LRRN3: variants seen among roughly 807,000 people sequenced by gnomAD.
The protein encoded by LRRN3 is leucine rich repeat neuronal 3.
LRRN3 carries 15 observed loss-of-function variants against 40.1 expected under a neutral mutation model. That is an observed-to-expected ratio of 0.37 (90% CI 0.25 to 0.58). LRRN3 has a LOEUF of 0.58. LRRN3 is among the 20% of genes least tolerant of loss of function. LRRN3 has a pLI of 0.72. For synonymous variants in LRRN3, 308 were observed against 297.2 expected (o/e 1.04, Z -0.37); for missense variants, 746 against 837.7 (o/e 0.89, Z 1.35).
Position 111,124,243 on chromosome 7 carries a change from G to A in LRRN3, c.1471G>A (p.Gly491Arg), listed in dbSNP as rs1251972677. 1.9e-6 allele frequency: 3 copies of A among 1,613,882 alleles called. No individual in the cohort carries two copies. Among genetic ancestry groups the A allele is most frequent in the African/African-American group, 1.3e-5 (1 of 74,894 alleles). Residue 491 changes from glycine (G) to arginine (R), a missense_variant, in exon 3 of 3, where the codon GGG (glycine) becomes AGG (arginine). Coordinates refer to ENST00000308478, the MANE Select transcript of LRRN3 (RefSeq NM_001099658.2). ...LDINGVTPKE[G>R]GLYTCIATNL... ...TATAAATGGCGTAACTCCCAAAGAA[G>A]GGGGTTTATATACTTGTATAGCAAC...
chr7:111,095,615 G>A (rs910518407), intron 1 of LRRN3, among the ~76,000 whole-genome samples: 2 of 151,908 alleles, frequency 1.3e-5, no homozygotes, highest in Admixed American at 1.3e-4. Flanking sequence ...AAAAATTAGA[G>A]TTTTGCCCTG....
At chr7:111,107,329 A>G (rs1798662451) in intron 2 of LRRN3, among the ~76,000 whole-genome samples, 1 of 152,074 alleles carries the variant, frequency 6.6e-6, no homozygotes. Context: ...CGCCAGCCCT[A>G]CAGCAGGTAG....
intron 1 of LRRN3, among the ~76,000 whole-genome samples, chr7:111,094,094 C>T (rs1797149153): frequency 6.6e-6 from 1 of 152,048 alleles, no homozygotes; most frequent in Non-Finnish European, 1.5e-5. Context: ...TTTGTAACAT[C>T]TTTTGCTTTC....
rs1046765686 is a variant in LRRN3 at position 111,091,450 on chromosome 7, G to A, written c.-495G>A. 1.3e-5 allele frequency: 2 copies of A among 152,164 alleles called. No homozygotes were observed. Among genetic ancestry groups the A allele is most frequent in the African/African-American group, 4.8e-5 (2 of 41,428 alleles). 9.4% of individuals were successfully genotyped at this position (152,164 alleles called of 1,614,324 possible). The stretch of plus-strand genomic sequence containing the variant: ...TGATTATCTCAACCAAGGAACTGAG[G>A]AATCCAGCACGCAAGGACATCGGAG... On this transcript the variant is annotated 5_prime_UTR_variant, in exon 1 of 3. Transcript: ENST00000308478.
In LRRN3 at chr7:111,124,703, G is replaced by A. The variant is rs375417061; in HGVS notation, c.1931G>A (p.Cys644Tyr). 6 of 1,613,764 alleles carry A rather than the reference G, an allele frequency of 3.7e-6. No homozygotes were observed. In the Admixed American group the frequency reaches 5.0e-5, roughly 13 times the overall value. Residue 644 changes from cysteine (C) to tyrosine (Y), a missense_variant, in exon 3 of 3, where the codon TGT becomes TAT. Transcript: ENST00000308478. Reference protein sequence around the residue: ...GGLLGIIGVICLISCLSPEMN... With the variant: ...GGLLGIIGVIYLISCLSPEMN... ...CTTCTGGGGATTATTGGTGTGATATGTCTTATCAGCTGCCTCTCTCCAGAA... is the reference window on the plus strand; with the variant it reads ...CTTCTGGGGATTATTGGTGTGATATATCTTATCAGCTGCCTCTCTCCAGAA...
intron 2 of LRRN3, among the ~76,000 whole-genome samples, chr7:111,113,703 G>C (rs1425334470): frequency 2.6e-5 from 4 of 152,082 alleles, no homozygotes; most frequent in Non-Finnish European, 4.4e-5. Flanking sequence ...TTGAAAGAGG[G>C]TCTACATGAG....
chr7:111,115,028 G>C (rs185146387), intron 2 of LRRN3, among the ~76,000 whole-genome samples: 2 of 152,090 alleles, frequency 1.3e-5, no homozygotes, highest in Admixed American at 1.3e-4. Context: ...TGGAAAACAA[G>C]ATGATTATAC....
chr7:111,110,399 T>A (rs1037460089), intron 2 of LRRN3, among the ~76,000 whole-genome samples: 1 of 152,200 alleles, frequency 6.6e-6, no homozygotes, highest in African/African-American at 2.4e-5. Flanking sequence ...TTTTATTCAC[T>A]GAAATAATAT....
At chr7:111,096,508 T>TAAA (rs5886589) in intron 1 of LRRN3, among the ~76,000 whole-genome samples, 58 of 144,792 alleles carry the variant, frequency 4.0e-4, no homozygotes, top group African/African-American at 1.3e-3. Flanking sequence ...GAGTTAAATT[T>TAAA]AAAAAAAAAA....
At chr7:111,101,875 G>A (rs572514719) in intron 2 of LRRN3, among the ~76,000 whole-genome samples, 2 of 151,468 alleles carry the variant, frequency 1.3e-5, no homozygotes, top group South Asian at 2.1e-4. Flanking sequence ...TCATTTCTTG[G>A]CAGTCAGGTG....
chr7:111,124,178 T>C lies in LRRN3; in HGVS notation c.1406T>C (p.Leu469Pro), dbSNP rs565781488. 6.2e-7 allele frequency: 1 copy of C among 1,613,918 alleles called. No individual in the cohort carries two copies. The highest frequency in any genetic ancestry group is 1.3e-5 in the African/African-American group (1 of 75,014). ...PSGQKLLPNTLTDKFYVHSEG... is the reference protein window; with the variant it reads ...PSGQKLLPNTPTDKFYVHSEG... ...GGTCAAAAACTCTTGCCTAATACCC[T>C]GACAGACAAGTTCTATGTCCATTCT... Residue 469 changes from leucine (L) to proline (P), a missense_variant, in exon 3 of 3, where the codon CTG (leucine) becomes CCG (proline). Leu to Pro is a moderately conservative substitution (Grantham distance 98, BLOSUM62 -3). Transcript: ENST00000308478.
At chr7:111,099,449 A>G (rs905562320) in intron 1 of LRRN3, among the ~76,000 whole-genome samples, 13 of 151,742 alleles carry the variant, frequency 8.6e-5, no homozygotes, top group African/African-American at 2.9e-4. Context: ...TTGCTTTTCA[A>G]ACTGAGGATG....
chr7:111,114,478 CTG>C (rs1799610765), intron 2 of LRRN3, among the ~76,000 whole-genome samples: 1 of 152,046 alleles, frequency 6.6e-6, no homozygotes, highest in Admixed American at 6.6e-5. Context: ...TGACCCACAC[CTG>C]TAATCCCAGC....
intron 1 of LRRN3, among the ~76,000 whole-genome samples, chr7:111,093,255 G>A (rs1258817884): frequency 3.3e-5 from 5 of 152,174 alleles, no homozygotes; most frequent in East Asian, 1.9e-4. Context: ...AGCTTTGCTC[G>A]CTCTGCCTCA....
chr7:111,091,654 T>C (rs1310276441), intron 1 of LRRN3, 150 bp downstream of exon 1: 2 of 152,190 alleles, frequency 1.3e-5, no homozygotes, highest in African/African-American at 2.4e-5. Context: ...GAGAAGAAAT[T>C]CACATGCAAA....
Position 111,123,983 on chromosome 7 carries a change from G to C in LRRN3, c.1211G>C (p.Gly404Ala). Residue 404 changes from glycine (G) to alanine (A), a missense_variant, in exon 3 of 3, where the codon GGT (glycine) becomes GCT (alanine). Gly to Ala is a moderately conservative substitution (Grantham distance 60). Coordinates refer to ENST00000308478, the MANE Select transcript of LRRN3 (RefSeq NM_001099658.2). This position sits in a 1 kb window ranked among gnomAD's most constrained non-coding sequence, Gnocchi z 6.4. The part of the protein sequence containing the change: ...LFCVDPPEFQ[G>A]QNVRQVHFRD... ...TGCGTGGACCCACCTGAATTCCAAG[G>C]TCAGAATGTTCGGCAAGTGCATTTC... 1 of 1,613,982 alleles carries C rather than the reference G, an allele frequency of 6.2e-7. No homozygotes were observed. The highest frequency in any genetic ancestry group is 2.2e-5 in the East Asian group (1 of 44,862).
chr7:111,108,717 G>C (rs916561063), intron 2 of LRRN3, among the ~76,000 whole-genome samples: 1 of 151,974 alleles, frequency 6.6e-6, no homozygotes, highest in African/African-American at 2.4e-5. Context: ...ATTTCTGTTT[G>C]CCAAGCTTAC....
rs143954837 is a variant in LRRN3 at position 111,115,513 on chromosome 7, TC to T, written c.-358-6895del. 1.3e-4 allele frequency among the ~76,000 whole-genome samples: 19 copies of T among 150,980 alleles called. 1 individual carries two copies. Among genetic ancestry groups the T allele is most frequent in the African/African-American group, 4.1e-4 (17 of 41,106 alleles). ...AAATGTGCCTGTGATTAAGATTTCA[TC>T]CCCCCCTCTGTAAAAGAAAATTATA... On this transcript the variant is annotated intron_variant, in intron 2 of 2. Coordinates refer to ENST00000308478, the MANE Select transcript of LRRN3 (RefSeq NM_001099658.2).
At chr7:111,113,414 G>C (rs1780471134) in intron 2 of LRRN3, among the ~76,000 whole-genome samples, 1 of 151,586 alleles carries the variant, frequency 6.6e-6, no homozygotes, top group African/African-American at 2.4e-5. Context: ...TGTCTATCAT[G>C]TCCTCCCATG....
Sources: allele counts gnomAD v4.1 joint callset (sites outside exome capture counted in the v4.1 genomes callset), GRCh38; gene constraint gnomAD v4.1.1; non-coding constraint Gnocchi (gnomAD v3.1); transcripts MANE v1.5; gene names NCBI Gene and HGNC (gene_info 2026-07-23, HGNC 2026-07-21).